The following ADAMTS16 variants were observed in gnomAD, a reference collection of about 807,000 sequenced individuals.
The protein encoded by ADAMTS16 is ADAM metallopeptidase with thrombospondin type 1 motif 16.
Under a neutral mutation model 145.8 loss-of-function variants are expected in ADAMTS16, and 94 were observed. The ratio of observed to expected loss-of-function variants is 0.64; its 90% CI spans 0.55 to 0.77. ADAMTS16 has a LOEUF of 0.77. Ranked by LOEUF, ADAMTS16 falls within the 30% of genes least tolerant of loss-of-function variation. ADAMTS16 has a pLI of 0.00. For synonymous variants in ADAMTS16, 659 were observed against 604.3 expected (o/e 1.09, Z -1.33); for missense variants, 1,585 against 1,591.5 (o/e 1.00, Z 0.07).
At chr5:5,191,316 T>G (rs1166011030) in intron 7 of ADAMTS16, among the ~76,000 whole-genome samples, 1 of 152,150 alleles carries the variant, frequency 6.6e-6, no homozygotes. Flanking sequence ...CCTTTTCACT[T>G]GGTCTTTTGG....
intron 3 of ADAMTS16, among the ~76,000 whole-genome samples, chr5:5,158,847 C>T (rs1164171865): frequency 1.3e-5 from 2 of 152,290 alleles, no homozygotes; most frequent in African/African-American, 4.8e-5. Context: ...TTCTGTGCTT[C>T]AGTCTCTTAG....
intron 6 of ADAMTS16, among the ~76,000 whole-genome samples, chr5:5,189,202 C>T (rs1490931926): frequency 6.6e-6 from 1 of 152,164 alleles, no homozygotes; most frequent in Non-Finnish European, 1.5e-5. Context: ...CTGGTGTTGT[C>T]CCACCAGCCA....
At position 5,251,866 on chromosome 5, in the gene ADAMTS16, C is replaced by A. The variant is rs188664702; in HGVS notation, c.2662+9675C>A. On this transcript the variant is annotated intron_variant, in intron 17 of 22. Transcript: ENST00000274181. Reference sequence around the variant, plus strand: ...GCCAAGTACTCGGTGCTTTTTTTTTCTTTTTTTTGAGACAGAGTCTCACTC... The same window carrying A: ...GCCAAGTACTCGGTGCTTTTTTTTTATTTTTTTTGAGACAGAGTCTCACTC... Among the ~76,000 whole-genome samples the A allele has an allele frequency of 3.1e-3, 464 of 151,434 alleles. 4 individuals are homozygous for A. The highest frequency in any genetic ancestry group is 0.011 in the African/African-American group (440 of 41,364).
Position 5,303,640 on chromosome 5 carries a change from C to T in ADAMTS16, c.3060C>T (p.Ala1020=). 2 of 1,614,134 alleles carry T rather than the reference C, an allele frequency of 1.2e-6. No homozygotes were observed. The highest frequency in any genetic ancestry group is 1.7e-6 in the Non-Finnish European group (2 of 1,180,040). The change falls in exon 20 of 23, where the codon GCC becomes GCT. Residue 1020 remains alanine (A), a synonymous_variant. Transcript: ENST00000274181. ...AVACKSTNPS[A]RAQLLPDAVC... is the part of the protein sequence containing the mutation. Reference sequence around the variant, plus strand: ...CCTGTAAGAGCACCAACCCCTCGGCCAGAGCGCAGCTGCTGCCCGACGCTG... The same window carrying T: ...CCTGTAAGAGCACCAACCCCTCGGCTAGAGCGCAGCTGCTGCCCGACGCTG...
Position 5,239,240 on chromosome 5 carries a change from C to T in ADAMTS16, c.2244C>T (p.His748=), listed in dbSNP as rs1316055787. 16 of 1,599,420 alleles carry T rather than the reference C, an allele frequency of 1.0e-5. No homozygotes were observed. The highest frequency in any genetic ancestry group is 1.4e-5 in the Non-Finnish European group (16 of 1,174,116). The stretch of plus-strand genomic sequence containing the variant: ...GGAATAACTCAGCCTGCACGATTCA[C>T]AGGGGTCTCTACACCAAGCACCACC... The part of the protein sequence containing the change: ...CNGNNSACTI[H]RGLYTKHHHT... The change falls in exon 15 of 23, where the codon CAC becomes CAT. Residue 748 remains histidine, a synonymous_variant. Transcript: ENST00000274181.
intron 7 of ADAMTS16, among the ~76,000 whole-genome samples, chr5:5,191,382 C>A (rs893911116): frequency 6.6e-6 from 1 of 152,062 alleles, no homozygotes; most frequent in South Asian, 2.1e-4. Flanking sequence ...ATAGATTCCA[C>A]GCTTTATTAG....
intron 16 of ADAMTS16, 74 bp from the exon 17 acceptor site, chr5:5,241,979 T>A: frequency 6.5e-7 from 1 of 1,537,306 alleles, no homozygotes; most frequent in Non-Finnish European, 8.9e-7. Flanking sequence ...TTTTAAGTAG[T>A]CTAAATCCCG....
chr5:5,303,505 G>T, intron 19 of ADAMTS16, 36 bp downstream of exon 19: 1 of 1,607,516 alleles, frequency 6.2e-7, no homozygotes, highest in Middle Eastern at 1.7e-4. Flanking sequence ...TGGCAGCAGG[G>T]CCCCTGCATG....
chr5:5,222,706 C>T (rs1579321469), intron 10 of ADAMTS16, 83 bp from the exon 11 acceptor site: 1 of 1,178,008 alleles, frequency 8.5e-7, no homozygotes, highest in Non-Finnish European at 1.3e-6. Flanking sequence ...TTGTTTTCAC[C>T]TTAAATCTCT....
chr5:5,183,245 G>A (rs1185369360), intron 4 of ADAMTS16, among the ~76,000 whole-genome samples: 1 of 152,206 alleles, frequency 6.6e-6, no homozygotes, highest in Non-Finnish European at 1.5e-5. Context: ...AGGGGAGGTA[G>A]CAGGAAGAAC....
At chr5:5,225,601 C>CAA (rs1256541960) in intron 11 of ADAMTS16, among the ~76,000 whole-genome samples, 5 of 80,306 alleles carry the variant, frequency 6.2e-5, no homozygotes, top group African/African-American at 1.9e-4. Context: ...GACTTGGTTT[C>CAA]AAAAAAAAAA....
At chr5:5,181,873 C>G (rs1446985493) in intron 3 of ADAMTS16, among the ~76,000 whole-genome samples, 171 bp from the exon 4 acceptor site, 1 of 152,166 alleles carries the variant, frequency 6.6e-6, no homozygotes, top group African/African-American at 2.4e-5. Context: ...GGAGGCCTTT[C>G]CCATTGCTAA....
chr5:5,285,142 T>A (rs1044184270), intron 18 of ADAMTS16, among the ~76,000 whole-genome samples: 1 of 152,198 alleles, frequency 6.6e-6, no homozygotes, highest in African/African-American at 2.4e-5. Flanking sequence ...TTCAGAGAGA[T>A]GTGTTTTTTT....
At chr5:5,281,367 T>C (rs1738899788) in intron 18 of ADAMTS16, among the ~76,000 whole-genome samples, 1 of 152,200 alleles carries the variant, frequency 6.6e-6, no homozygotes, top group African/African-American at 2.4e-5. Flanking sequence ...GTTCCTTATA[T>C]CAAAATAAAT....
chr5:5,296,633 C>T lies in ADAMTS16; in HGVS notation c.2790-6635C>T, dbSNP rs568622446. Among the ~76,000 whole-genome samples, 31 of 152,278 alleles carry T rather than the reference C, an allele frequency of 2.0e-4. No homozygotes were observed. In the South Asian group the frequency reaches 6.2e-3, roughly 31 times the overall value. ...ACAATTTCAGATTCCTGACCCCTAA[C>T]CCCTAGAGAGCCAAGGCCGTTCAAT... On this transcript the variant is annotated intron_variant, in intron 18 of 22. Coordinates refer to ENST00000274181, the MANE Select transcript of ADAMTS16 (RefSeq NM_139056.4).
chr5:5,211,093 A>C (rs1371410827), intron 10 of ADAMTS16, among the ~76,000 whole-genome samples: 1 of 152,180 alleles, frequency 6.6e-6, no homozygotes, highest in Non-Finnish European at 1.5e-5. Flanking sequence ...AGTTGTGCTG[A>C]CCTAATAAAA....
At chr5:5,203,212 T>C (rs1290918353) in intron 9 of ADAMTS16, among the ~76,000 whole-genome samples, 1 of 152,226 alleles carries the variant, frequency 6.6e-6, no homozygotes, top group Non-Finnish European at 1.5e-5. Context: ...TCCAAGAAAG[T>C]CTCTTGTTGT....
intron 3 of ADAMTS16, among the ~76,000 whole-genome samples, chr5:5,162,624 G>T (rs1478629680): frequency 6.6e-6 from 1 of 152,158 alleles, no homozygotes; most frequent in Non-Finnish European, 1.5e-5. Flanking sequence ...AGAAAGCCAG[G>T]ATTCCTACAG....
At chr5:5,257,536 G>C (rs1476927371) in intron 17 of ADAMTS16, among the ~76,000 whole-genome samples, 1 of 152,224 alleles carries the variant, frequency 6.6e-6, no homozygotes, top group Non-Finnish European at 1.5e-5. Flanking sequence ...AATGCAAACG[G>C]CAATGTAATG....
Sources: gnomAD v4.1 joint callset for allele counts (sites outside exome capture counted in the v4.1 genomes callset) on GRCh38, gnomAD v4.1.1 for gene constraint, MANE v1.5 for transcripts, NCBI Gene and HGNC (gene_info 2026-07-23, HGNC 2026-07-21) for gene names.